CACNA1H: variants seen among roughly 807,000 people sequenced by gnomAD.
CACNA1H encodes calcium voltage-gated channel subunit alpha1 H.
Under a neutral mutation model 192.5 loss-of-function variants are expected in CACNA1H, and 149 were observed. The ratio of observed to expected loss-of-function variants is 0.77; its 90% CI spans 0.68 to 0.89. The LOEUF (loss-of-function observed/expected upper bound fraction) is 0.89. Among genes scored for constraint, CACNA1H ranks in the 40% least tolerant of loss-of-function variants. The pLI, the probability that CACNA1H is intolerant of heterozygous loss-of-function variation, is 0.00. For missense variants in CACNA1H, 4,257 were observed against 3,423.5 expected, an observed-to-expected ratio of 1.24 and a Z score of -6.08; for synonymous variants, 2,202 against 1,475.2, an observed-to-expected ratio of 1.49 and a Z score of -11.29.
At chr16:1,182,160 A>G (rs1162760643) in intron 2 of CACNA1H, among the ~76,000 whole-genome samples, 2 of 151,998 alleles carry the variant, frequency 1.3e-5, no homozygotes. Context: ...AGCGCAGGTG[A>G]TGTGATTGTT....
rs1291960840 is a variant in CACNA1H at position 1,167,651 on chromosome 16, C to T, written c.299+13615C>T. 6.6e-6 allele frequency among the ~76,000 whole-genome samples: 1 copy of T among 152,302 alleles called. No individual in the cohort carries two copies. Among genetic ancestry groups the T allele is most frequent in the South Asian group, 2.1e-4 (1 of 4,826 alleles). On this transcript the variant is annotated intron_variant, in intron 2 of 34. Transcript: ENST00000348261. This position sits in a 1 kb window ranked among gnomAD's most constrained non-coding sequence, Gnocchi z 4.2. ...CCCCAGCTGCTCCTGGTTGACCGGCCCGGCCTGTGTTACATAAAGCGGTTT... is the reference window on the plus strand; with the variant it reads ...CCCCAGCTGCTCCTGGTTGACCGGCTCGGCCTGTGTTACATAAAGCGGTTT...
chr16:1,179,092 CT>C (rs1965206469), intron 2 of CACNA1H, among the ~76,000 whole-genome samples: 1 of 152,134 alleles, frequency 6.6e-6, no homozygotes, highest in South Asian at 2.1e-4. Flanking sequence ...GGGTTCAGCC[CT>C]CCCTGCACAC....
chr16:1,212,097 G>T lies in CACNA1H; in HGVS notation c.4718G>T (p.Arg1573Leu). 2 of 1,611,478 alleles carry T rather than the reference G, an allele frequency of 1.2e-6. No individual in the cohort carries two copies. Among genetic ancestry groups the T allele is most frequent in the Non-Finnish European group, 1.7e-6 (2 of 1,179,594 alleles). Residue 1573 changes from arginine (R) to leucine (L), a missense_variant, in exon 25 of 35, where the codon CGA becomes CTA. Physicochemically the swap from Arg to Leu is moderately radical, Grantham distance 102 (BLOSUM62 -2). Coordinates refer to ENST00000348261, the MANE Select transcript of CACNA1H (RefSeq NM_021098.3). ...QHQEAEEARR[R>L]EEKRLRRLER... ...CAGGAGGCGGAGGAGGCGCGGCGGCGAGAGGAGAAGCGGCTGCGGCGCCTA... is the reference window on the plus strand; with the variant it reads ...CAGGAGGCGGAGGAGGCGCGGCGGCTAGAGGAGAAGCGGCTGCGGCGCCTA...
At chr16:1,214,781 T>G (rs1477295247) in intron 27 of CACNA1H, among the ~76,000 whole-genome samples, 191 bp from the exon 28 acceptor site, 1 of 152,102 alleles carries the variant, frequency 6.6e-6, no homozygotes, top group Non-Finnish European at 1.5e-5. Context: ...ATCAGACACT[T>G]ACGGAGCACT....
intron 2 of CACNA1H, among the ~76,000 whole-genome samples, chr16:1,172,715 T>C (rs1434752179): frequency 6.6e-6 from 1 of 150,604 alleles, no homozygotes; most frequent in Non-Finnish European, 1.5e-5. Flanking sequence ...GGCAGGGAGG[T>C]GCATGGGGTG....
chr16:1,205,331 C>G (rs879330854), intron 11 of CACNA1H, 66 bp downstream of exon 11: 2 of 1,491,106 alleles, frequency 1.3e-6, no homozygotes, highest in Non-Finnish European at 1.8e-6. Context: ...AGAAATCCCA[C>G]CTGCAGAGCA....
rs374867393 is a variant in CACNA1H, at chr16:1,201,865, A to G, written c.1415A>G (p.Lys472Arg). 6.4e-7 allele frequency: 1 copy of G among 1,557,618 alleles called. No individual in the cohort carries two copies. Among genetic ancestry groups the G allele is most frequent in the Non-Finnish European group, 8.7e-7 (1 of 1,151,468 alleles). The change falls in exon 9 of 35, where the codon AAG (lysine) becomes AGG (arginine). Residue 472 changes from lysine to arginine, a missense_variant. Physicochemically the swap from Lys to Arg is conservative, Grantham distance 26. Transcript: ENST00000348261. ...GTGGGCCACATATTCCGCAAGGTCA[A>G]GCGGCGCAGCTTGCGCCTCTACGCC... ...KYVGHIFRKV[K>R]RRSLRLYARW...
chr16:1,215,201 C>T (rs1022768048), intron 28 of CACNA1H, 41 bp from the exon 29 acceptor site: 12 of 1,585,968 alleles, frequency 7.6e-6, no homozygotes, highest in Middle Eastern at 1.7e-4. Context: ...TGAGCCGAGG[C>T]GGGGACCCCA....
chr16:1,209,307 G>A lies in CACNA1H; in HGVS notation c.3639G>A (p.Lys1213=), dbSNP rs750319717. ...PLRPAALPPT[K]CRDRDGQVVA... ...GGCCGGCCGCCCTCCCGCCTACCAA[G>A]TGCCGCGATCGCGACGGGCAGGTGG... Residue 1213 remains lysine (K), a synonymous_variant, in exon 17 of 35, where the codon AAG becomes AAA. Coordinates refer to ENST00000348261, the MANE Select transcript of CACNA1H (RefSeq NM_021098.3). 14 of 1,595,792 alleles carry A rather than the reference G, an allele frequency of 8.8e-6. No homozygotes were observed. Among genetic ancestry groups the A allele is most frequent in the African/African-American group, 1.3e-5 (1 of 74,840 alleles).
intron 8 of CACNA1H, 27 bp from the exon 9 acceptor site, chr16:1,201,636 C>A (rs761603295): frequency 6.5e-7 from 1 of 1,539,414 alleles, no homozygotes. Context: ...TCACTCACTG[C>A]CACTTACCCG....
rs560679273 is a variant in CACNA1H at position 1,186,358 on chromosome 16, C to T, written c.300-8614C>T. ...GCAGGGGTCCAGCCTGCCGTGACCG[C>T]ACAGGCCCAGATTCCTGGACGTTTC... On this transcript the variant is annotated intron_variant, in intron 2 of 34. Transcript: ENST00000348261. 4.5e-4 allele frequency among the ~76,000 whole-genome samples: 68 copies of T among 152,148 alleles called. 1 individual carries two copies. The highest frequency in any genetic ancestry group is 6.0e-4 in the Non-Finnish European group (41 of 67,962).
intron 9 of CACNA1H, among the ~76,000 whole-genome samples, chr16:1,203,637 G>C: frequency 6.6e-6 from 1 of 152,186 alleles, no homozygotes; most frequent in South Asian, 2.1e-4. Flanking sequence ...TTGCAGGGTT[G>C]CTTCCTCTGG....
rs143702996 is a variant in CACNA1H, at chr16:1,167,287, G to T, written c.299+13251G>T. Among the ~76,000 whole-genome samples, 1 of 152,256 alleles carries T rather than the reference G, an allele frequency of 6.6e-6. No individual in the cohort carries two copies. The highest frequency in any genetic ancestry group is 2.1e-4 in the South Asian group (1 of 4,830). The stretch of plus-strand genomic sequence containing the variant: ...TCCCGGTGGGTGGGGCTTGCCGGCC[G>T]CCCGCGAATGTCAGGAACCTTGGAT... On this transcript the variant is annotated intron_variant, in intron 2 of 34. Coordinates refer to ENST00000348261, the MANE Select transcript of CACNA1H (RefSeq NM_021098.3). The surrounding 1 kb of genome is among the most constrained non-coding windows in gnomAD (Gnocchi z 4.2).
chr16:1,164,914 C>T (rs1174475427), intron 2 of CACNA1H, among the ~76,000 whole-genome samples: 1 of 152,188 alleles, frequency 6.6e-6, no homozygotes, highest in African/African-American at 2.4e-5. Context: ...GCCCCTTTTG[C>T]TGGTCCCTGG....
In CACNA1H at chr16:1,153,877, G is replaced by T. The variant is rs1555498163; in HGVS notation, c.140G>T (p.Gly47Val). ...GREAERGSEL[G>V]VSPSESPAAE... is the part of the protein sequence containing the mutation. ...GAGGCGGAGCGGGGGTCCGAGCTCG[G>T]CGTGTCACCCTCCGAGAGCCCGGCG... The change falls in exon 2 of 35, where the codon GGC becomes GTC. Residue 47 changes from glycine to valine, a missense_variant. Physicochemically the swap from Gly to Val is moderately radical, Grantham distance 109. Coordinates refer to ENST00000348261, the MANE Select transcript of CACNA1H (RefSeq NM_021098.3). 21 of 1,417,542 alleles carry T rather than the reference G, an allele frequency of 1.5e-5. No homozygotes were observed. Among genetic ancestry groups the T allele is most frequent in the Non-Finnish European group, 1.9e-5 (21 of 1,082,712 alleles). 87.8% of individuals were successfully genotyped at this position (1,417,542 alleles called of 1,614,324 possible).
At chr16:1,168,401 G>A (rs1010006659) in intron 2 of CACNA1H, among the ~76,000 whole-genome samples, 1 of 152,136 alleles carries the variant, frequency 6.6e-6, no homozygotes, top group Admixed American at 6.5e-5. Flanking sequence ...TGGGGCCAAC[G>A]ATGTGGGGAG....
intron 2 of CACNA1H, among the ~76,000 whole-genome samples, chr16:1,188,550 C>G (rs1482807953): frequency 6.6e-6 from 1 of 152,242 alleles, no homozygotes; most frequent in Non-Finnish European, 1.5e-5. Context: ...CTCCCCCTCA[C>G]CCAGCCGCGG....
At position 1,166,303 on chromosome 16, in the gene CACNA1H, T is replaced by TGTGGCTCAGACCCTGCTCAGCTCC. The variant is rs1262214546; in HGVS notation, c.299+12275_299+12298dup. 9.8e-5 allele frequency among the ~76,000 whole-genome samples: 15 copies of TGTGGCTCAGACCCTGCTCAGCTCC among 152,300 alleles called. No homozygotes were observed. In the Middle Eastern group the frequency reaches 0.01, roughly 104 times the overall value. On this transcript the variant is annotated intron_variant, in intron 2 of 34. Transcript: ENST00000348261. ...TGGGGAGCGGGAGACAGGAGCTCCC[T>TGTGGCTCAGACCCTGCTCAGCTCC]GTGGCTCAGACCCTGCTCAGCTCCG...
chr16:1,208,401 T>C (rs373748275), intron 16 of CACNA1H, among the ~76,000 whole-genome samples, 180 bp downstream of exon 16: 1 of 152,138 alleles, frequency 6.6e-6, no homozygotes, highest in Non-Finnish European at 1.5e-5. Flanking sequence ...GCTGCTGTTG[T>C]GTGAGGCCGG....
Sources: allele counts gnomAD v4.1 joint callset (sites outside exome capture counted in the v4.1 genomes callset), GRCh38; gene constraint gnomAD v4.1.1; non-coding constraint Gnocchi (gnomAD v3.1); transcripts MANE v1.5; gene names NCBI Gene and HGNC (gene_info 2026-07-23, HGNC 2026-07-21).